DGKB: variants seen among roughly 807,000 people sequenced by gnomAD.
DGKB encodes the protein diacylglycerol kinase beta.
DGKB carries 67 observed loss-of-function variants against 114.3 expected under a neutral mutation model. The ratio of observed to expected loss-of-function variants is 0.59; its 90% CI spans 0.48 to 0.72. The LOEUF (loss-of-function observed/expected upper bound fraction) is 0.72, where lower values mean the gene tolerates loss of function less well. Ranked by LOEUF, DGKB falls within the 30% of genes least tolerant of loss-of-function variation. The pLI, the probability that DGKB is intolerant of heterozygous loss-of-function variation, is 0.00. For synonymous variants in DGKB, 398 were observed against 323.1 expected, an observed-to-expected ratio of 1.23 and a Z score of -2.49; for missense variants, 907 against 975.2, an observed-to-expected ratio of 0.93 and a Z score of 0.93.
intron 1 of DGKB, among the ~76,000 whole-genome samples, chr7:14,951,045 C>G (rs1180658224): frequency 6.6e-6 from 1 of 151,910 alleles, no homozygotes; most frequent in Non-Finnish European, 1.5e-5. Context: ...TTCTACTAAT[C>G]ATGCTTTCAT....
chr7:14,177,490 G>A (rs1781939589), intron 24 of DGKB, among the ~76,000 whole-genome samples: 1 of 147,944 alleles, frequency 6.8e-6, no homozygotes, highest in Non-Finnish European at 1.5e-5. Flanking sequence ...GGAAGGTGGG[G>A]TTGCAGTGAG....
At chr7:14,267,468 A>ATT (rs34348388) in intron 23 of DGKB, among the ~76,000 whole-genome samples, 2 of 110,234 alleles carry the variant, frequency 1.8e-5, no homozygotes, top group Admixed American at 8.9e-5. Flanking sequence ...ATAAGTGCTT[A>ATT]TTTTTTTTTT....
chr7:14,582,365 C>T (rs1471372804), intron 18 of DGKB, among the ~76,000 whole-genome samples: 3 of 152,106 alleles, frequency 2.0e-5, no homozygotes, highest in African/African-American at 7.2e-5. Context: ...CTTATATCCT[C>T]AGTGATGTTC....
intron 2 of DGKB, among the ~76,000 whole-genome samples, chr7:14,758,883 C>A (rs1835255916): frequency 7.7e-6 from 1 of 129,924 alleles, no homozygotes. Flanking sequence ...GTGTGTGAAA[C>A]AATAGATAGA....
intron 20 of DGKB, among the ~76,000 whole-genome samples, chr7:14,504,491 C>A (rs1276975050): frequency 6.6e-6 from 1 of 152,118 alleles, no homozygotes; most frequent in Non-Finnish European, 1.5e-5. Context: ...TAGAAATGAA[C>A]TTGTTGACTA....
intron 2 of DGKB, among the ~76,000 whole-genome samples, chr7:14,807,586 A>G (rs1425014404): frequency 6.6e-6 from 1 of 152,054 alleles, no homozygotes; most frequent in Non-Finnish European, 1.5e-5. Flanking sequence ...AAATAAGATC[A>G]GTATTGTTGT....
chr7:14,675,793 G>T (rs1331335097), intron 12 of DGKB, among the ~76,000 whole-genome samples: 2 of 151,986 alleles, frequency 1.3e-5, no homozygotes, highest in Non-Finnish European at 2.9e-5. Flanking sequence ...TTGATAATAT[G>T]CAGGAATACC....
At chr7:14,262,803 A>G (rs1796959091) in intron 23 of DGKB, among the ~76,000 whole-genome samples, 1 of 152,198 alleles carries the variant, frequency 6.6e-6, no homozygotes, top group African/African-American at 2.4e-5. Context: ...TTAAAGTAGA[A>G]TCAGACTGCA....
At chr7:14,481,367 T>G (rs1782964482) in intron 20 of DGKB, among the ~76,000 whole-genome samples, 1 of 151,992 alleles carries the variant, frequency 6.6e-6, no homozygotes, top group East Asian at 1.9e-4. Flanking sequence ...GAGAGAATGT[T>G]CTATATGTAT....
At chr7:14,778,214 T>G (rs778489067) in intron 2 of DGKB, among the ~76,000 whole-genome samples, 2 of 152,184 alleles carry the variant, frequency 1.3e-5, no homozygotes, top group Non-Finnish European at 2.9e-5. Flanking sequence ...GTGGGGCAAA[T>G]ACATTCCTTG....
At chr7:14,837,016 C>G (rs749063463) in intron 2 of DGKB, among the ~76,000 whole-genome samples, 1 of 152,218 alleles carries the variant, frequency 6.6e-6, no homozygotes, top group Non-Finnish European at 1.5e-5. Flanking sequence ...ATATCACTAG[C>G]AATTTGCCAG....
intron 1 of DGKB, among the ~76,000 whole-genome samples, chr7:14,958,829 T>C (rs1420175495): frequency 6.6e-6 from 1 of 152,050 alleles, no homozygotes; most frequent in Non-Finnish European, 1.5e-5. Flanking sequence ...AATCTCTCTC[T>C]CCTCCGTGGG....
chr7:14,611,943 C>A (rs1220898527), intron 16 of DGKB, among the ~76,000 whole-genome samples: 2 of 151,276 alleles, frequency 1.3e-5, no homozygotes, highest in Admixed American at 6.6e-5. Flanking sequence ...GTTAAACTAT[C>A]AATAACATAT....
chr7:14,491,139 C>T (rs1784541788), intron 20 of DGKB, among the ~76,000 whole-genome samples: 1 of 151,968 alleles, frequency 6.6e-6, no homozygotes, highest in African/African-American at 2.4e-5. Flanking sequence ...TGTGTCCCCA[C>T]CCAAATCTCA....
At chr7:14,285,278 A>T (rs1188153224) in intron 23 of DGKB, among the ~76,000 whole-genome samples, 1 of 152,224 alleles carries the variant, frequency 6.6e-6, no homozygotes, top group Admixed American at 6.5e-5. Context: ...CGTGCAACTT[A>T]CTAGCTTGTG....
At chr7:14,973,527 GT>G (rs11300261) in intron 1 of DGKB, among the ~76,000 whole-genome samples, 36,535 of 137,182 alleles carry the variant, frequency 0.27, 4,939 homozygotes, top group East Asian at 0.66. Context: ...TTGTTTTTTT[GT>G]TTTTTTTTTC....
Position 14,825,030 on chromosome 7 carries a change from A to G in DGKB, c.70+16164T>C, listed in dbSNP as rs1295912097. ...TGTATGTGTATGTATATATATATATATATATATATATATATATATATATAT... is the reference window on the plus strand; with the variant it reads ...TGTATGTGTATGTATATATATATATGTATATATATATATATATATATATAT... On this transcript the variant is annotated intron_variant, in intron 2 of 25. Transcript: ENST00000402815. Among the ~76,000 whole-genome samples, 139 of 138,580 alleles carry G rather than the reference A, an allele frequency of 1.0e-3. 2 individuals are homozygous for G. The highest frequency in any genetic ancestry group is 3.7e-3 in the Middle Eastern group (1 of 272). 90.9% of individuals were successfully genotyped at this position (138,580 alleles called of 152,430 possible). A position where few individuals can be genotyped will look rare whatever the true frequency, so the allele number is the denominator to read the frequency against.
At chr7:14,417,900 G>A (rs764397969) in intron 21 of DGKB, among the ~76,000 whole-genome samples, 5 of 151,464 alleles carry the variant, frequency 3.3e-5, no homozygotes, top group Admixed American at 3.3e-4. Context: ...CTTTTACCTA[G>A]TTTGGATGGA....
At chr7:14,264,259 G>C (rs903265075) in intron 23 of DGKB, among the ~76,000 whole-genome samples, 15 of 152,184 alleles carry the variant, frequency 9.9e-5, no homozygotes, top group Non-Finnish European at 7.4e-5. Context: ...ATAATTCACA[G>C]CTCTTCTTAG....
Sources: allele counts gnomAD v4.1 joint callset (sites outside exome capture counted in the v4.1 genomes callset), GRCh38; gene constraint gnomAD v4.1.1; transcripts MANE v1.5; gene names NCBI Gene and HGNC (gene_info 2026-07-23, HGNC 2026-07-21).